The following GPR158 variants were observed in gnomAD, a reference collection of about 807,000 sequenced individuals.
GPR158 encodes metabotropic glycine receptor.
In GPR158, 30 loss-of-function variants were observed where a neutral mutation model predicts 78.2. That is an observed-to-expected ratio of 0.38 (90% CI 0.29 to 0.52). The LOEUF (loss-of-function observed/expected upper bound fraction) is 0.52, where lower values mean the gene tolerates loss of function less well. GPR158 is among the 20% of genes least tolerant of loss of function. The pLI, the probability that GPR158 is intolerant of heterozygous loss-of-function variation, is 0.83. For synonymous variants in GPR158, 581 were observed against 591.1 expected, an observed-to-expected ratio of 0.98 and a Z score of 0.25; for missense variants, 1,463 against 1,523.5, an observed-to-expected ratio of 0.96 and a Z score of 0.66.
chr10:25,563,025 A>G (rs554907087), intron 6 of GPR158, among the ~76,000 whole-genome samples: 1 of 152,254 alleles, frequency 6.6e-6, no homozygotes, highest in Admixed American at 6.5e-5. Flanking sequence ...ATAATTATAT[A>G]ATGTCATTTT....
intron 4 of GPR158, among the ~76,000 whole-genome samples, chr10:25,431,595 A>T (rs1166736438): frequency 7.3e-6 from 1 of 136,250 alleles, no homozygotes; most frequent in Non-Finnish European, 1.6e-5. Context: ...AATAGCAAAG[A>T]CTTGGAACCA....
intron 7 of GPR158, among the ~76,000 whole-genome samples, chr10:25,575,180 G>A (rs1309893524): frequency 1.3e-5 from 2 of 152,160 alleles, no homozygotes; most frequent in Non-Finnish European, 2.9e-5. Flanking sequence ...GTAATGCTAG[G>A]TGGTTGAGTA....
At chr10:25,293,301 G>A (rs2130766822) in intron 2 of GPR158, among the ~76,000 whole-genome samples, 1 of 152,282 alleles carries the variant, frequency 6.6e-6, no homozygotes, top group African/African-American at 2.4e-5. Context: ...GTCAGGGGAA[G>A]GTAGCTGACC....
intron 4 of GPR158, among the ~76,000 whole-genome samples, chr10:25,447,522 C>A (rs1835153816): frequency 1.3e-5 from 2 of 152,246 alleles, no homozygotes; most frequent in South Asian, 4.1e-4. Context: ...GCAGGGCTTT[C>A]TTTCATCTTT....
At chr10:25,522,476 C>A (rs1836291109) in intron 5 of GPR158, among the ~76,000 whole-genome samples, 1 of 152,188 alleles carries the variant, frequency 6.6e-6, no homozygotes, top group African/African-American at 2.4e-5. Context: ...CAACTTCCAT[C>A]AAATTCTCTT....
chr10:25,210,855 T>C (rs1480620184), intron 1 of GPR158, among the ~76,000 whole-genome samples: 1 of 152,130 alleles, frequency 6.6e-6, no homozygotes, highest in East Asian at 1.9e-4. Context: ...GAATTTTGGC[T>C]GGGTGCGGTG....
chr10:25,274,169 A>G (rs1854153466), intron 2 of GPR158, among the ~76,000 whole-genome samples: 1 of 152,124 alleles, frequency 6.6e-6, no homozygotes, highest in Non-Finnish European at 1.5e-5. Context: ...AACACCAAAG[A>G]TTGTTCTGAT....
chr10:25,176,312 C>T lies in GPR158; in HGVS notation c.892C>T (p.Pro298Ser). ...CTACGGGTTGCAGCCTAACCTGGTCCCGGAATTCAGGTAGGGAGGGCCGGG... is the reference window on the plus strand; with the variant it reads ...CTACGGGTTGCAGCCTAACCTGGTCTCGGAATTCAGGTAGGGAGGGCCGGG... The part of the protein sequence containing the change: ...AIYGLQPNLV[P>S]EFRGVMKVDI... Residue 298 changes from proline (P) to serine (S), a missense_variant, in exon 1 of 11, where the codon CCG becomes TCG. Physicochemically the swap from Pro to Ser is moderately conservative, Grantham distance 74 (BLOSUM62 -1). Coordinates refer to ENST00000376351, the MANE Select transcript of GPR158 (RefSeq NM_020752.3). This position sits in a 1 kb window ranked among gnomAD's most constrained non-coding sequence, Gnocchi z 6.3. The T allele has an allele frequency of 6.3e-7, 1 of 1,578,006 alleles. No individual in the cohort carries two copies. The highest frequency in any genetic ancestry group is 8.6e-7 in the Non-Finnish European group (1 of 1,162,144).
At chr10:25,327,294 A>G (rs1299546807) in intron 2 of GPR158, among the ~76,000 whole-genome samples, 3 of 152,108 alleles carry the variant, frequency 2.0e-5, no homozygotes, top group Admixed American at 6.5e-5. Context: ...ACACACACAC[A>G]GTAACCTGAA....
At chr10:25,235,856 C>T (rs1853515490) in intron 2 of GPR158, among the ~76,000 whole-genome samples, 1 of 151,778 alleles carries the variant, frequency 6.6e-6, no homozygotes, top group Admixed American at 6.6e-5. Context: ...GCCACCATGC[C>T]CGGCTAATTT....
In GPR158 at chr10:25,241,409, CTCTTT is replaced by C. The variant is rs1206670364; in HGVS notation, c.1008+20278_1008+20282del. Among the ~76,000 whole-genome samples the C allele has an allele frequency of 5.6e-3, 603 of 108,074 alleles. 8 individuals are homozygous for C. Among genetic ancestry groups the C allele is most frequent in the Admixed American group, 0.02 (208 of 10,346 alleles). 70.9% of individuals were successfully genotyped at this position (108,074 alleles called of 152,430 possible). Reference sequence around the variant, plus strand: ...CTCTTCTCTTCTCTTCTCTTCTCTTCTCTTTTCTTTTCTTTTCTTTTCTTTTCTTT... The same window carrying C: ...CTCTTCTCTTCTCTTCTCTTCTCTTCTCTTTTCTTTTCTTTTCTTTTCTTT... On this transcript the variant is annotated intron_variant, in intron 2 of 10. Coordinates refer to ENST00000376351, the MANE Select transcript of GPR158 (RefSeq NM_020752.3).
intron 4 of GPR158, among the ~76,000 whole-genome samples, chr10:25,433,458 T>A (rs1331547702): frequency 6.6e-6 from 1 of 152,138 alleles, no homozygotes; most frequent in African/African-American, 2.4e-5. Flanking sequence ...TTGGTGTTAC[T>A]ACACGCTTTT....
intron 2 of GPR158, among the ~76,000 whole-genome samples, chr10:25,371,236 A>G (rs375296184): frequency 3.3e-5 from 5 of 150,094 alleles, no homozygotes; most frequent in African/African-American, 4.9e-5. Flanking sequence ...TATTTTGCTC[A>G]TTAGTTGATG....
intron 6 of GPR158, among the ~76,000 whole-genome samples, chr10:25,566,101 G>A (rs934131172): frequency 6.6e-6 from 1 of 152,180 alleles, no homozygotes; most frequent in Non-Finnish European, 1.5e-5. Context: ...CATGGCAAAG[G>A]AGACAGGATC....
chr10:25,535,777 C>T (rs2130698172), intron 5 of GPR158, among the ~76,000 whole-genome samples: 1 of 152,344 alleles, frequency 6.6e-6, no homozygotes, highest in African/African-American at 2.4e-5. Flanking sequence ...TAGTCTGCTT[C>T]TTTCCTCTTC....
chr10:25,339,051 G>A (rs1407613020), intron 2 of GPR158, among the ~76,000 whole-genome samples: 14 of 141,590 alleles, frequency 9.9e-5, no homozygotes, highest in Admixed American at 3.7e-4. Context: ...ACAGGGTCTC[G>A]CTCTGTTGCC....
chr10:25,330,478 C>T (rs1039632855), intron 2 of GPR158, among the ~76,000 whole-genome samples: 6 of 152,060 alleles, frequency 3.9e-5, no homozygotes, highest in Non-Finnish European at 8.8e-5. Flanking sequence ...ATAATAGACA[C>T]CAAAATCAAA....
At chr10:25,184,466 T>C (rs902850121) in intron 1 of GPR158, among the ~76,000 whole-genome samples, 5 of 152,244 alleles carry the variant, frequency 3.3e-5, no homozygotes, top group Non-Finnish European at 7.3e-5. Context: ...ATAAATTAGA[T>C]TGTTATTTGT....
intron 4 of GPR158, among the ~76,000 whole-genome samples, chr10:25,454,324 C>T (rs1835263298): frequency 2.3e-5 from 1 of 43,900 alleles, no homozygotes; most frequent in African/African-American, 1.1e-4. Context: ...ATTTTGTCTT[C>T]CAAGTCCGAC....
Sources: gnomAD v4.1 joint callset for allele counts (sites outside exome capture counted in the v4.1 genomes callset) on GRCh38, gnomAD v4.1.1 for gene constraint, Gnocchi (gnomAD v3.1) non-coding constraint, MANE v1.5 for transcripts, NCBI Gene and HGNC (gene_info 2026-07-23, HGNC 2026-07-21) for gene names.